NINL: variants seen among roughly 807,000 people sequenced by gnomAD.
NINL encodes ninein-like protein.
In NINL, 153 loss-of-function variants were observed where a neutral mutation model predicts 160.3. The ratio of observed to expected loss-of-function variants is 0.95; its 90% CI spans 0.84 to 1.09. The LOEUF is 1.09. NINL is among the 50% of genes least tolerant of loss of function. NINL has a pLI of 0.00. For missense variants in NINL, 1,829 were observed against 1,764.0 expected, an observed-to-expected ratio of 1.04 and a Z score of -0.66; for synonymous variants, 800 against 734.8, an observed-to-expected ratio of 1.09 and a Z score of -1.43.
rs1305965702 is a variant in NINL at position 25,476,428 on chromosome 20, G to T, written c.2863C>A (p.Pro955Thr). 1 of 1,609,396 alleles carries T rather than the reference G, an allele frequency of 6.2e-7. No individual in the cohort carries two copies. Among genetic ancestry groups the T allele is most frequent in the Non-Finnish European group, 8.5e-7 (1 of 1,179,860 alleles). The change falls in exon 17 of 24, where the codon CCA becomes ACA. Residue 955 changes from proline to threonine, a missense_variant. Coordinates refer to ENST00000278886, the MANE Select transcript of NINL (RefSeq NM_025176.6). Reference sequence around the variant, plus strand: ...CTCAGGGGTGGCTCCCACATCCGTGGCTGGGTTTGCGAGGCGTCTCTCTCT... The same window carrying T: ...CTCAGGGGTGGCTCCCACATCCGTGTCTGGGTTTGCGAGGCGTCTCTCTCT... ...GTERDASQTQ[P>T]RMWEPPLRPA...
Position 25,476,690 on chromosome 20 carries a change from T to C in NINL, c.2601A>G (p.Arg867=), listed in dbSNP as rs2063255676. The change falls in exon 17 of 24, where the codon AGA becomes AGG. Residue 867 remains arginine, a synonymous_variant. Coordinates refer to ENST00000278886, the MANE Select transcript of NINL (RefSeq NM_025176.6). ...CGGCTCCTGCCGCCTCCTCAGACTC[T>C]CTGCCATCACCTGGGGCCAGCCAGG... is the stretch of plus-strand genomic sequence containing the variant. The part of the protein sequence containing the change: ...PLAWLAPGDG[R]ESEEAAGAGP... 2 of 1,594,264 alleles carry C rather than the reference T, an allele frequency of 1.3e-6. No homozygotes were observed. Among genetic ancestry groups the C allele is most frequent in the Non-Finnish European group, 1.7e-6 (2 of 1,175,252 alleles).
chr20:25,458,725 T>A, intron 21 of NINL, 196 bp from the exon 22 acceptor site: 1 of 615,008 alleles, frequency 1.6e-6, no homozygotes, highest in Non-Finnish European at 2.8e-6. Flanking sequence ...AGCCAGCGCT[T>A]CCACACAGTG....
intron 1 of NINL, among the ~76,000 whole-genome samples, chr20:25,541,814 G>A (rs991328668): frequency 6.6e-6 from 1 of 152,198 alleles, no homozygotes; most frequent in African/African-American, 2.4e-5. Context: ...AACTAGAAGA[G>A]CACATTTGCA....
rs538190746 is a variant in NINL, at chr20:25,480,742, C to T, written c.1811-475G>A. Among the ~76,000 whole-genome samples the T allele has an allele frequency of 2.0e-5, 3 of 152,270 alleles. No homozygotes were observed. In the South Asian group the frequency reaches 6.2e-4, roughly 32 times the overall value. Reference sequence around the variant, plus strand: ...TTATTATTTCATCACATAAACGATGCCAAGTTCTGAGAGGCAGTTCTGGCA... The same window carrying T: ...TTATTATTTCATCACATAAACGATGTCAAGTTCTGAGAGGCAGTTCTGGCA... On this transcript the variant is annotated intron_variant, in intron 14 of 23. Transcript: ENST00000278886.
intron 16 of NINL, among the ~76,000 whole-genome samples, chr20:25,477,322 G>C (rs928148167): frequency 2.0e-5 from 3 of 152,174 alleles, no homozygotes; most frequent in Non-Finnish European, 4.4e-5. Flanking sequence ...GCCCAAGCAC[G>C]AACCCTTTCC....
chr20:25,496,744 G>A lies in NINL; in HGVS notation c.1229C>T (p.Ala410Val). The A allele has an allele frequency of 6.2e-7, 1 of 1,614,024 alleles. No homozygotes were observed. Among genetic ancestry groups the A allele is most frequent in the Non-Finnish European group, 8.5e-7 (1 of 1,180,008 alleles). Reference sequence around the variant, plus strand: ...CACAAACTCCAGGTTCCTCTTCTCGGCCCTCTCCAGGTCCTGCCTTGCCTT... The same window carrying A: ...CACAAACTCCAGGTTCCTCTTCTCGACCCTCTCCAGGTCCTGCCTTGCCTT... The part of the protein sequence containing the change: ...RDKARQDLER[A>V]EKRNLEFVKE... The change falls in exon 10 of 24, where the codon GCC (alanine) becomes GTC (valine). Residue 410 changes from alanine to valine, a missense_variant. By Grantham distance (64) the Ala-to-Val change is moderately conservative. Transcript: ENST00000278886.
chr20:25,563,242 T>C (rs961476456), intron 1 of NINL, among the ~76,000 whole-genome samples: 4 of 152,220 alleles, frequency 2.6e-5, no homozygotes, highest in Non-Finnish European at 5.9e-5. Flanking sequence ...TAACACTGTC[T>C]GAAGCAATTC....
chr20:25,498,191 G>A lies in NINL; in HGVS notation c.1169+19C>T. The A allele has an allele frequency of 6.2e-7, 1 of 1,611,480 alleles. No homozygotes were observed. On this transcript the variant is annotated intron_variant, in intron 9 of 23. Coordinates refer to ENST00000278886, the MANE Select transcript of NINL (RefSeq NM_025176.6). ...GCCAGCCACACTGCCACGTTCCCCA[G>A]TCCCCTGTGGCCTCTTACTGCTGGT...
chr20:25,496,523 C>T, intron 10 of NINL, 140 bp downstream of exon 10: 1 of 1,026,516 alleles, frequency 9.7e-7, no homozygotes, highest in Non-Finnish European at 1.4e-6. Flanking sequence ...CCTGGATTCC[C>T]CCTGACTCAG....
intron 1 of NINL, among the ~76,000 whole-genome samples, chr20:25,550,954 G>A (rs186734616): frequency 1.8e-3 from 276 of 152,128 alleles, no homozygotes; most frequent in Non-Finnish European, 3.1e-3. Flanking sequence ...CCTTTCCCAC[G>A]AGGCCATATC....
intron 9 of NINL, 47 bp downstream of exon 9, chr20:25,498,163 C>A: frequency 1.2e-6 from 2 of 1,605,372 alleles, no homozygotes; most frequent in Non-Finnish European, 1.7e-6. Flanking sequence ...CCAGGCCCAC[C>A]TGGCCAGCCA....
chr20:25,517,911 T>C (rs2146914299), intron 2 of NINL, 62 bp from the exon 3 acceptor site: 2 of 1,028,856 alleles, frequency 1.9e-6, no homozygotes, highest in Non-Finnish European at 2.9e-6. Flanking sequence ...AATTCAAAAG[T>C]GACTCTTTTG....
intron 1 of NINL, among the ~76,000 whole-genome samples, chr20:25,571,231 T>C: frequency 6.6e-6 from 1 of 152,156 alleles, no homozygotes; most frequent in Non-Finnish European, 1.5e-5. Context: ...TTGCCTTTCA[T>C]TATAATAAGC....
Position 25,476,524 on chromosome 20 carries a change from G to T in NINL, c.2767C>A (p.Pro923Thr), listed in dbSNP as rs1286333223. Residue 923 changes from proline to threonine, a missense_variant, in exon 17 of 24, where the codon CCA becomes ACA. Physicochemically the swap from Pro to Thr is conservative, Grantham distance 38. Coordinates refer to ENST00000278886, the MANE Select transcript of NINL (RefSeq NM_025176.6). Reference sequence around the variant, plus strand: ...GCTGCGCTCGCGCCGAAAGGCTCTGGCTCCTTTGGGACAATATCCCCATCC... The same window carrying T: ...GCTGCGCTCGCGCCGAAAGGCTCTGTCTCCTTTGGGACAATATCCCCATCC... ...GVDGDIVPKEPEPFGASAAGL... is the reference protein window; with the variant it reads ...GVDGDIVPKETEPFGASAAGL... 1 of 1,601,142 alleles carries T rather than the reference G, an allele frequency of 6.2e-7. No individual in the cohort carries two copies. The highest frequency in any genetic ancestry group is 1.1e-5 in the South Asian group (1 of 91,036).
chr20:25,481,933 C>G (rs1238162263), intron 14 of NINL, 35 bp downstream of exon 14: 1 of 1,586,710 alleles, frequency 6.3e-7, no homozygotes, highest in Non-Finnish European at 8.5e-7. Flanking sequence ...AACAGCAGGC[C>G]TTGGGTCAGC....
At chr20:25,504,215 G>A (rs1034842618) in intron 6 of NINL, 111 bp from the exon 7 acceptor site, 15 of 1,142,628 alleles carry the variant, frequency 1.3e-5, no homozygotes, top group South Asian at 3.1e-5. Context: ...AACAAGGGCC[G>A]TTTCCTAGTC....
chr20:25,479,884 G>A (rs11697535), intron 15 of NINL, among the ~76,000 whole-genome samples: 2,079 of 152,324 alleles, frequency 0.014, 16 homozygotes, highest in Admixed American at 0.038. Flanking sequence ...GGCTGGCCAC[G>A]GCGCTGCGCT....
At chr20:25,484,097 C>G (rs979993716) in intron 13 of NINL, among the ~76,000 whole-genome samples, 3 of 152,228 alleles carry the variant, frequency 2.0e-5, no homozygotes, top group African/African-American at 4.8e-5. Flanking sequence ...AGGGAGGCCC[C>G]AGCCCACACG....
chr20:25,457,684 G>A (rs952969446), intron 22 of NINL, among the ~76,000 whole-genome samples: 17 of 152,320 alleles, frequency 1.1e-4, no homozygotes, highest in Admixed American at 4.6e-4. Context: ...TCTGGTTCCT[G>A]ATCTCTCCTG....
Sources: allele counts gnomAD v4.1 joint callset (sites outside exome capture counted in the v4.1 genomes callset), GRCh38; gene constraint gnomAD v4.1.1; transcripts MANE v1.5; gene names NCBI Gene and HGNC (gene_info 2026-07-23, HGNC 2026-07-21).